FOXP2: variants seen among roughly 807,000 people sequenced by gnomAD.
The protein encoded by FOXP2 is forkhead box P2.
In FOXP2, 12 loss-of-function variants were observed where a neutral mutation model predicts 115.8. The ratio of observed to expected loss-of-function variants is 0.10; its 90% CI spans 0.07 to 0.17. FOXP2 has a LOEUF of 0.17. Ranked by LOEUF, FOXP2 falls within the 10% of genes least tolerant of loss-of-function variation. FOXP2 has a pLI of 1.00. For missense variants in FOXP2, 629 were observed against 843.5 expected, an observed-to-expected ratio of 0.75 and a Z score of 3.15; for synonymous variants, 328 against 297.7, an observed-to-expected ratio of 1.10 and a Z score of -1.05.
chr7:114,516,901 G>T (rs188448696), intron 2 of FOXP2, among the ~76,000 whole-genome samples: 6 of 152,048 alleles, frequency 3.9e-5, no homozygotes, highest in African/African-American at 1.4e-4. Flanking sequence ...TCACCATGTT[G>T]CCCAGAATGG....
intron 2 of FOXP2, among the ~76,000 whole-genome samples, chr7:114,435,509 A>T (rs1000772581): frequency 2.0e-5 from 3 of 151,938 alleles, no homozygotes; most frequent in African/African-American, 7.2e-5. Context: ...ATCCTGGAGG[A>T]TCTTGTTTGT....
intron 2 of FOXP2, among the ~76,000 whole-genome samples, chr7:114,322,778 G>A (rs190927845): frequency 2.6e-3 from 396 of 152,232 alleles, no homozygotes; most frequent in African/African-American, 9.2e-3. Context: ...TGTGTTTACT[G>A]TAAATTAAGT....
intron 1 of FOXP2, among the ~76,000 whole-genome samples, chr7:114,126,731 G>A (rs1304841745): frequency 2.0e-5 from 3 of 152,072 alleles, no homozygotes. Flanking sequence ...TGAATGAGTA[G>A]GAACCTATGT....
intron 2 of FOXP2, 121 bp downstream of exon 2, chr7:114,426,800 T>G: frequency 9.2e-7 from 1 of 1,086,344 alleles, no homozygotes; most frequent in African/African-American, 1.6e-5. Flanking sequence ...GAGAATTTAT[T>G]ATTATTTGGA....
chr7:114,337,393 T>C (rs1272670405), intron 2 of FOXP2, among the ~76,000 whole-genome samples: 1 of 151,250 alleles, frequency 6.6e-6, no homozygotes, highest in Non-Finnish European at 1.5e-5. Context: ...AATATATATT[T>C]ATTTTTCTTA....
intron 1 of FOXP2, among the ~76,000 whole-genome samples, chr7:114,192,172 A>ACTACAGGCAT (rs1276015631): frequency 2.0e-4 from 30 of 152,078 alleles, no homozygotes; most frequent in South Asian, 6.2e-4. Context: ...TTTGTAGTAG[A>ACTACAGGCAT]GACGGGGTTT....
intron 1 of FOXP2, among the ~76,000 whole-genome samples, chr7:114,221,717 T>C (rs76715335): frequency 6.6e-6 from 1 of 152,208 alleles, no homozygotes; most frequent in Non-Finnish European, 1.5e-5. Flanking sequence ...CTTCCTTTTA[T>C]CTAATTAAAG....
chr7:114,353,334 C>CTTT lies in FOXP2; in HGVS notation c.-11+65248_-11+65250dup, dbSNP rs138925770. ...CATTTGTTAATCTGTATAGGAGCCT[C>CTTT]TTTTTTTTTTTTTTTTTTTTTTTTT... On this transcript the variant is annotated intron_variant, in intron 2 of 17. Coordinates refer to the FOXP2 transcript ENST00000634411. 5.2e-3 allele frequency among the ~76,000 whole-genome samples: 331 copies of CTTT among 64,104 alleles called. 9 individuals are homozygous for CTTT. The highest frequency in any genetic ancestry group is 6.6e-3 in the Non-Finnish European group (235 of 35,594). The allele number at this position is 64,104 out of a possible 152,430, so 42.1% of individuals were successfully genotyped here.
chr7:114,536,626 A>T (rs1175639325), intron 3 of FOXP2, among the ~76,000 whole-genome samples: 1 of 151,150 alleles, frequency 6.6e-6, no homozygotes, highest in African/African-American at 2.4e-5. Flanking sequence ...AAACTATTAT[A>T]AATACCTTTT....
intron 2 of FOXP2, among the ~76,000 whole-genome samples, chr7:114,383,896 G>A (rs765087204): frequency 1.1e-4 from 16 of 152,148 alleles, no homozygotes; most frequent in South Asian, 2.1e-4. Flanking sequence ...TCCAGGGTGC[G>A]TAACCACCCA....
chr7:114,586,318 T>C (rs1305973798), intron 3 of FOXP2, among the ~76,000 whole-genome samples: 1 of 152,182 alleles, frequency 6.6e-6, no homozygotes, highest in African/African-American at 2.4e-5. Context: ...ATGTCTCTGA[T>C]ACTCCTTTTT....
chr7:114,303,364 T>C (rs1434150755), intron 2 of FOXP2, among the ~76,000 whole-genome samples: 1 of 152,100 alleles, frequency 6.6e-6, no homozygotes, highest in Non-Finnish European at 1.5e-5. Flanking sequence ...GTTTGGGAAA[T>C]AGGAGATATT....
chr7:114,234,115 T>C (rs2129166376), intron 1 of FOXP2, among the ~76,000 whole-genome samples: 1 of 152,358 alleles, frequency 6.6e-6, no homozygotes, highest in African/African-American at 2.4e-5. Context: ...TGTCTCACTC[T>C]CTTTTCTATC....
At chr7:114,248,667 T>C (rs1018591692) in intron 1 of FOXP2, among the ~76,000 whole-genome samples, 1 of 152,204 alleles carries the variant, frequency 6.6e-6, no homozygotes, top group African/African-American at 2.4e-5. Context: ...TTTTTAGTTT[T>C]ATCCTTGTCC....
chr7:114,289,354 G>A (rs866779933), intron 2 of FOXP2, among the ~76,000 whole-genome samples: 1 of 151,860 alleles, frequency 6.6e-6, no homozygotes, highest in Admixed American at 6.6e-5. Flanking sequence ...AAAAAGTTAT[G>A]TAGCTTGTTG....
At chr7:114,557,080 T>G (rs547275046) in intron 3 of FOXP2, among the ~76,000 whole-genome samples, 2 of 152,332 alleles carry the variant, frequency 1.3e-5, no homozygotes, top group South Asian at 4.1e-4. Context: ...CAAGAAAGAC[T>G]TTTGCTTGAA....
intron 2 of FOXP2, among the ~76,000 whole-genome samples, chr7:114,453,290 G>A (rs371505888): frequency 7.2e-5 from 11 of 152,188 alleles, no homozygotes; most frequent in East Asian, 3.9e-4. Context: ...GGTCCCTTAC[G>A]TTAGAAACAG....
At chr7:114,132,197 T>C (rs1791897826) in intron 1 of FOXP2, among the ~76,000 whole-genome samples, 1 of 152,216 alleles carries the variant, frequency 6.6e-6, no homozygotes, top group African/African-American at 2.4e-5. Context: ...ATACTTTATC[T>C]TATTTTAGTT....
intron 1 of FOXP2, among the ~76,000 whole-genome samples, chr7:114,185,573 A>G (rs550540767): frequency 6.6e-6 from 1 of 152,314 alleles, no homozygotes; most frequent in South Asian, 2.1e-4. Flanking sequence ...GGTATCACAG[A>G]GTGAAATGTC....
Sources: gnomAD v4.1 joint callset for allele counts (sites outside exome capture counted in the v4.1 genomes callset) on GRCh38, gnomAD v4.1.1 for gene constraint, MANE v1.5 for transcripts, NCBI Gene and HGNC (gene_info 2026-07-23, HGNC 2026-07-21) for gene names.